The following FHIT variants were observed in gnomAD, a reference collection of about 807,000 sequenced individuals.
FHIT encodes the protein bis(5'-adenosyl)-triphosphatase.
In FHIT, 19 loss-of-function variants were observed where a neutral mutation model predicts 17.9. The ratio of observed to expected loss-of-function variants is 1.06; its 90% CI spans 0.74 to 1.56. The LOEUF (loss-of-function observed/expected upper bound fraction) is 1.56. Among genes scored for constraint, FHIT ranks in the 40% most tolerant of loss-of-function variants. FHIT has a pLI of 0.00. For missense variants in FHIT, 248 were observed against 189.2 expected (o/e 1.31, Z -1.82); for synonymous variants, 81 against 69.7 (o/e 1.16, Z -0.81).
chr3:61,083,941 T>C (rs549793894), intron 2 of FHIT, among the ~76,000 whole-genome samples: 3 of 152,098 alleles, frequency 2.0e-5, no homozygotes, highest in Admixed American at 2.0e-4. Context: ...TTTGGGGCTA[T>C]TAGATGAAAT....
intron 4 of FHIT, among the ~76,000 whole-genome samples, chr3:60,805,625 G>T (rs1329699310): frequency 1.3e-5 from 2 of 151,830 alleles, no homozygotes; most frequent in Non-Finnish European, 2.9e-5. Flanking sequence ...GCGCAATCTC[G>T]GCTCACTGCA....
At chr3:60,926,371 G>A (rs1255357261) in intron 3 of FHIT, among the ~76,000 whole-genome samples, 1 of 152,190 alleles carries the variant, frequency 6.6e-6, no homozygotes, top group South Asian at 2.1e-4. Context: ...AGATCACAGT[G>A]CAATCAAACT....
intron 3 of FHIT, among the ~76,000 whole-genome samples, chr3:60,846,818 T>A (rs1284787987): frequency 2.0e-5 from 3 of 152,056 alleles, no homozygotes; most frequent in Admixed American, 1.3e-4. Flanking sequence ...TTAAGTAACA[T>A]AATCTTTCTT....
chr3:59,991,761 C>A (rs747814116), intron 7 of FHIT, among the ~76,000 whole-genome samples: 1 of 152,058 alleles, frequency 6.6e-6, no homozygotes, highest in East Asian at 1.9e-4. Context: ...CCTCTTCACA[C>A]AGCCATATGT....
intron 1 of FHIT, among the ~76,000 whole-genome samples, chr3:61,208,338 G>T (rs2039326210): frequency 6.6e-6 from 1 of 152,026 alleles, no homozygotes; most frequent in Non-Finnish European, 1.5e-5. Flanking sequence ...GGTCCGCTTG[G>T]TGCAGAGCTG....
chr3:59,800,743 G>C (rs1699960074), intron 8 of FHIT, among the ~76,000 whole-genome samples: 1 of 152,132 alleles, frequency 6.6e-6, no homozygotes, highest in Non-Finnish European at 1.5e-5. Flanking sequence ...AAGAGAAAGG[G>C]GGTCTTAAAT....
chr3:60,003,859 T>C (rs1699822019), intron 7 of FHIT, among the ~76,000 whole-genome samples: 3 of 20,998 alleles, frequency 1.4e-4, no homozygotes, highest in African/African-American at 3.2e-4. Context: ...TTTATTTTAC[T>C]TTTTTTTTTT....
intron 5 of FHIT, among the ~76,000 whole-genome samples, chr3:60,336,704 C>G (rs559401564): frequency 3.3e-5 from 5 of 152,090 alleles, no homozygotes; most frequent in Non-Finnish European, 7.4e-5. Context: ...GTAGACAGAA[C>G]AGTGGAGAAC....
intron 2 of FHIT, among the ~76,000 whole-genome samples, chr3:61,122,678 A>G (rs2036492797): frequency 1.3e-5 from 2 of 152,212 alleles, no homozygotes; most frequent in Non-Finnish European, 2.9e-5. Context: ...AACCCCATCA[A>G]AAAGTGGGCG....
intron 1 of FHIT, among the ~76,000 whole-genome samples, chr3:61,214,338 C>G (rs2039596752): frequency 6.6e-6 from 1 of 152,084 alleles, no homozygotes; most frequent in Non-Finnish European, 1.5e-5. Flanking sequence ...ACCACCAATC[C>G]CATAGAAATA....
intron 4 of FHIT, among the ~76,000 whole-genome samples, chr3:60,569,734 T>TATATGTATATATATATATATATATATAC (rs2037289731): frequency 2.3e-5 from 1 of 44,110 alleles, no homozygotes; most frequent in Non-Finnish European, 4.1e-5. Flanking sequence ...ACTATATATA[T>TATATGTATATATATATATATATATATAC]ATATATATAT....
intron 5 of FHIT, among the ~76,000 whole-genome samples, chr3:60,521,397 G>A (rs373657162): frequency 0.012 from 1,766 of 152,014 alleles, 87 homozygotes; most frequent in Admixed American, 0.088. Flanking sequence ...ACAGGCGCCC[G>A]CCACCACACC....
intron 2 of FHIT, among the ~76,000 whole-genome samples, chr3:61,166,662 C>T (rs1056104532): frequency 2.6e-5 from 4 of 152,156 alleles, no homozygotes; most frequent in Admixed American, 2.6e-4. Context: ...ACCAACTTTC[C>T]AAATATCCAC....
chr3:60,021,721 T>G (rs753251483), intron 5 of FHIT, among the ~76,000 whole-genome samples: 1 of 152,196 alleles, frequency 6.6e-6, no homozygotes, highest in Non-Finnish European at 1.5e-5. Flanking sequence ...CACGTAGCTA[T>G]TAAGTGAAAA....
chr3:59,789,216 C>T (rs1323109693), intron 8 of FHIT, among the ~76,000 whole-genome samples: 1 of 152,148 alleles, frequency 6.6e-6, no homozygotes, highest in Non-Finnish European at 1.5e-5. Context: ...GCATTTCATT[C>T]TGCACAATTA....
intron 5 of FHIT, among the ~76,000 whole-genome samples, chr3:60,276,332 G>C (rs1707134545): frequency 6.6e-6 from 1 of 152,140 alleles, no homozygotes; most frequent in African/African-American, 2.4e-5. Context: ...TGGAGACAGA[G>C]GAAGTCCAGC....
intron 8 of FHIT, among the ~76,000 whole-genome samples, chr3:59,915,890 C>T (rs558636556): frequency 6.7e-6 from 1 of 150,344 alleles, no homozygotes; most frequent in East Asian, 2.0e-4. Flanking sequence ...TATGATTGGG[C>T]CACTGCTGGC....
intron 2 of FHIT, among the ~76,000 whole-genome samples, chr3:61,140,323 A>G (rs919148547): frequency 4.6e-5 from 7 of 152,214 alleles, no homozygotes; most frequent in Non-Finnish European, 4.4e-5. Context: ...AAAAAAATAT[A>G]GAATAAGTAA....
At chr3:61,205,649 T>A (rs1327586567) in intron 1 of FHIT, among the ~76,000 whole-genome samples, 2 of 152,208 alleles carry the variant, frequency 1.3e-5, no homozygotes, top group Non-Finnish European at 2.9e-5. Flanking sequence ...CTTATCCTTT[T>A]CCCACTTTTT....
Sources: allele counts gnomAD v4.1 joint callset (sites outside exome capture counted in the v4.1 genomes callset), GRCh38; gene constraint gnomAD v4.1.1; transcripts MANE v1.5; gene names NCBI Gene and HGNC (gene_info 2026-07-23, HGNC 2026-07-21).